The following ZNF786 variants were observed in gnomAD, a reference collection of about 807,000 sequenced individuals.
ZNF786 encodes zinc finger protein 786.
A neutral mutation model predicts 63.1 loss-of-function variants in ZNF786; 56 were observed. The ratio of observed to expected loss-of-function variants is 0.89; its 90% CI spans 0.72 to 1.11. ZNF786 has a LOEUF of 1.11. Ranked by LOEUF, ZNF786 falls within the 50% of genes least tolerant of loss-of-function variation. ZNF786 has a pLI of 0.00. For missense variants in ZNF786, 1,213 were observed against 1,041.8 expected (o/e 1.16, Z -2.26); for synonymous variants, 485 against 406.9 (o/e 1.19, Z -2.31).
intron 3 of ZNF786, among the ~76,000 whole-genome samples, chr7:149,073,601 G>A (rs146977479): frequency 9.3e-4 from 141 of 151,272 alleles, no homozygotes; most frequent in African/African-American, 2.9e-3. Flanking sequence ...AGTTTCTACT[G>A]AGTTCTTACT....
At position 149,070,941 on chromosome 7, in the gene ZNF786, G is replaced by A; in HGVS notation, c.1831C>T (p.His611Tyr). Residue 611 changes from histidine to tyrosine, a missense_variant, in exon 4 of 4, where the codon CAT becomes TAT. By Grantham distance (83) the His-to-Tyr change is moderately conservative. Transcript: ENST00000491431. ...SFRLKGQLLS[H>Y]QRLHTGERPF... is the part of the protein sequence containing the mutation. ...CTCTCTCCCGTGTGCAGGCGCTGAT[G>A]GCTGAGCAGCTGCCCCTTCAGGCGG... 1.9e-6 allele frequency: 3 copies of A among 1,613,660 alleles called. No homozygotes were observed. The highest frequency in any genetic ancestry group is 1.6e-4 in the Middle Eastern group (1 of 6,062).
chr7:149,072,523 T>C, intron 3 of ZNF786, 50 bp from the exon 4 acceptor site: 1 of 1,486,636 alleles, frequency 6.7e-7, no homozygotes. Flanking sequence ...GCAGCACTAC[T>C]AGCGATTCTC....
chr7:149,078,141 G>C (rs1322843148), intron 2 of ZNF786, among the ~76,000 whole-genome samples: 1 of 151,614 alleles, frequency 6.6e-6, no homozygotes, highest in Non-Finnish European at 1.5e-5. Flanking sequence ...GGGATTACAG[G>C]CGTGAGCCAC....
intron 1 of ZNF786, 128 bp downstream of exon 1, chr7:149,090,495 A>G (rs1313457019): frequency 5.5e-6 from 6 of 1,086,016 alleles, no homozygotes; most frequent in Non-Finnish European, 7.3e-6. Flanking sequence ...CAGCAGAAGC[A>G]GCCTGCAGAC....
Position 149,071,730 on chromosome 7 carries a change from G to A in ZNF786, c.1042C>T (p.Gln348Ter). 6.3e-7 allele frequency: 1 copy of A among 1,585,520 alleles called. No individual in the cohort carries two copies. The highest frequency in any genetic ancestry group is 1.1e-5 in the South Asian group (1 of 89,226). Residue 348 changes from glutamine to a stop codon, truncating the protein, a stop_gained, in exon 4 of 4, where the codon CAG (glutamine) becomes TAG (stop). Transcript: ENST00000491431. LOFTEE classifies it high-confidence loss of function. ...SGQKPGSRLPQEGNSHQEGDT... is the reference protein window; with the variant it reads ...SGQKPGSRLP ...CCTTCCTGGTGGCTGTTCCCCTCCT[G>A]GGGCAGGCGCGAGCCTGGTTTCTGT... is the stretch of plus-strand genomic sequence containing the variant.
chr7:149,087,077 A>G (rs1825751565), intron 1 of ZNF786, among the ~76,000 whole-genome samples: 1 of 152,156 alleles, frequency 6.6e-6, no homozygotes, highest in South Asian at 2.1e-4. Context: ...TCCTGACCTC[A>G]GGTGATCCAC....
intron 1 of ZNF786, among the ~76,000 whole-genome samples, chr7:149,087,132 T>C (rs761595159): frequency 1.3e-5 from 2 of 152,178 alleles, no homozygotes; most frequent in African/African-American, 4.8e-5. Flanking sequence ...CGTGAGCCAC[T>C]GTGCCCAGCC....
chr7:149,072,922 G>C (rs1825457965), intron 3 of ZNF786, among the ~76,000 whole-genome samples: 1 of 152,188 alleles, frequency 6.6e-6, no homozygotes. Context: ...CTGTTTAAGT[G>C]TTGGCTGTTC....
At chr7:149,077,490 T>C (rs1019653980) in intron 2 of ZNF786, among the ~76,000 whole-genome samples, 1 of 151,708 alleles carries the variant, frequency 6.6e-6, no homozygotes, top group East Asian at 2.0e-4. Context: ...TAGCCAGGCG[T>C]GGTGGCGGGC....
chr7:149,075,237 TTTAAG>T (rs1412238131), intron 2 of ZNF786, among the ~76,000 whole-genome samples: 2 of 152,180 alleles, frequency 1.3e-5, no homozygotes, highest in African/African-American at 2.4e-5. Flanking sequence ...AAAATAATGC[TTTAAG>T]TTATTATTAC....
At chr7:149,086,200 G>A (rs567090267) in intron 1 of ZNF786, among the ~76,000 whole-genome samples, 2 of 152,294 alleles carry the variant, frequency 1.3e-5, no homozygotes, top group Non-Finnish European at 2.9e-5. Context: ...TAGTATTGCT[G>A]TAAAGGAACA....
chr7:149,080,137 C>T (rs372590332), intron 2 of ZNF786, among the ~76,000 whole-genome samples: 26 of 152,046 alleles, frequency 1.7e-4, no homozygotes, highest in African/African-American at 5.8e-4. Flanking sequence ...CCAGCCTGGG[C>T]GACAGAGTGA....
At chr7:149,073,747 G>GTGTGTGTATATATATATATATA (rs1447329296) in intron 3 of ZNF786, among the ~76,000 whole-genome samples, 1 of 77,602 alleles carries the variant, frequency 1.3e-5, no homozygotes, top group African/African-American at 4.6e-5. Context: ...GTGTGTGTGT[G>GTGTGTGTATATATATATATATA]TATATATATA....
At chr7:149,085,944 C>A (rs1261280725) in intron 1 of ZNF786, among the ~76,000 whole-genome samples, 1 of 152,148 alleles carries the variant, frequency 6.6e-6, no homozygotes, top group African/African-American at 2.4e-5. Flanking sequence ...TATTCTCAGA[C>A]TTTGCTGAAG....
Position 149,080,732 on chromosome 7 carries a change from A to C in ZNF786, c.19-15T>G, listed in dbSNP as rs748069997. The C allele has an allele frequency of 1.3e-6, 2 of 1,593,412 alleles. No individual in the cohort carries two copies. The highest frequency in any genetic ancestry group is 1.3e-5 in the African/African-American group (1 of 74,118). On this transcript the variant is annotated splice_polypyrimidine_tract_variant and intron_variant, in intron 1 of 3. Transcript: ENST00000491431. ...GTCAGAGGTAGCTGAAATTGTAGAC[A>C]TAAGACATATGCATTCATGGTTGCT...
At chr7:149,087,731 T>C (rs377500989) in intron 1 of ZNF786, among the ~76,000 whole-genome samples, 1 of 152,026 alleles carries the variant, frequency 6.6e-6, no homozygotes, top group East Asian at 1.9e-4. Flanking sequence ...CACTTCACAA[T>C]AGCTCACAAA....
chr7:149,086,304 G>A (rs896590608), intron 1 of ZNF786, among the ~76,000 whole-genome samples: 5 of 152,148 alleles, frequency 3.3e-5, no homozygotes, highest in Admixed American at 6.6e-5. Context: ...TACTTCTGGC[G>A]AGGGCCTCAG....
chr7:149,074,656 A>G, intron 2 of ZNF786, 118 bp from the exon 3 acceptor site: 1 of 1,247,394 alleles, frequency 8.0e-7, no homozygotes, highest in Non-Finnish European at 1.1e-6. Flanking sequence ...TCAAAAAAAA[A>G]AAAACAGGTT....
chr7:149,081,228 G>A (rs767960631), intron 1 of ZNF786: 24 of 452,398 alleles, frequency 5.3e-5, no homozygotes, highest in East Asian at 4.9e-4. Context: ...ACGAGGTCAG[G>A]AGTTCGAGAT....
Sources: gnomAD v4.1 joint callset for allele counts (sites outside exome capture counted in the v4.1 genomes callset) on GRCh38, gnomAD v4.1.1 for gene constraint, MANE v1.5 for transcripts, NCBI Gene and HGNC (gene_info 2026-07-23, HGNC 2026-07-21) for gene names.